The following EEFSEC variants were observed in gnomAD, a reference collection of about 807,000 sequenced individuals.
The protein encoded by EEFSEC is eukaryotic elongation factor, selenocysteine-tRNA specific.
Under a neutral mutation model 42.1 loss-of-function variants are expected in EEFSEC, and 43 were observed. The observed-to-expected ratio is 1.02, with a 90% CI of 0.80 to 1.32. The LOEUF is 1.32. Among genes scored for constraint, EEFSEC ranks in the 40% most tolerant of loss-of-function variants. The probability of loss-of-function intolerance (pLI) is 0.00; values close to 1 mark genes in which losing one functional copy is unlikely to be tolerated. For missense variants in EEFSEC, 745 were observed against 803.6 expected, an observed-to-expected ratio of 0.93 and a Z score of 0.88; for synonymous variants, 354 against 339.1, an observed-to-expected ratio of 1.04 and a Z score of -0.48.
intron 1 of EEFSEC, among the ~76,000 whole-genome samples, chr3:128,246,252 GCA>G (rs2066126194): frequency 7.1e-6 from 1 of 140,690 alleles, no homozygotes; most frequent in African/African-American, 2.8e-5. Flanking sequence ...ACACACACAC[GCA>G]CACAAATGTT....
chr3:128,308,145 CTG>C (rs1318984123), intron 4 of EEFSEC, among the ~76,000 whole-genome samples: 1 of 152,250 alleles, frequency 6.6e-6, no homozygotes, highest in East Asian at 1.9e-4. Context: ...ACCTCAGTCT[CTG>C]TCATTCAGAC....
chr3:128,386,827 A>C (rs993904055), intron 6 of EEFSEC, among the ~76,000 whole-genome samples: 1 of 152,292 alleles, frequency 6.6e-6, no homozygotes, highest in Non-Finnish European at 1.5e-5. Context: ...GAACTCACTC[A>C]TCACTGTGGT....
intron 6 of EEFSEC, among the ~76,000 whole-genome samples, chr3:128,388,924 TG>T (rs2067874209): frequency 6.6e-6 from 1 of 152,194 alleles, no homozygotes; most frequent in Non-Finnish European, 1.5e-5. Flanking sequence ...CACCCACTCT[TG>T]ATTTCTGGGT....
intron 1 of EEFSEC, among the ~76,000 whole-genome samples, chr3:128,222,796 A>AT (rs2065873732): frequency 6.6e-6 from 1 of 152,230 alleles, no homozygotes; most frequent in South Asian, 2.1e-4. Context: ...ATATATGAAC[A>AT]TTTTTTAGCT....
chr3:128,404,219 C>T (rs1273665867), intron 6 of EEFSEC, among the ~76,000 whole-genome samples: 1 of 152,242 alleles, frequency 6.6e-6, no homozygotes, highest in Admixed American at 6.5e-5. Context: ...CCATGCTGCC[C>T]CATGTCCAGG....
At position 128,264,725 on chromosome 3, in the gene EEFSEC, A is replaced by T; in HGVS notation, c.730A>T (p.Thr244Ser). The T allele has an allele frequency of 6.2e-7, 1 of 1,614,106 alleles. No homozygotes were observed. The highest frequency in any genetic ancestry group is 8.5e-7 in the Non-Finnish European group (1 of 1,180,008). ...AGGCCAAGGCACTGTGATGACAGGG[A>T]CCATCCTTTCAGGCTCCATCAGCCT... ...IKGQGTVMTG[T>S]ILSGSISLGD... is the part of the protein sequence containing the mutation. The change falls in exon 4 of 7, where the codon ACC becomes TCC. Residue 244 changes from threonine to serine, a missense_variant. Coordinates refer to ENST00000254730, the MANE Select transcript of EEFSEC (RefSeq NM_021937.5).
chr3:128,397,473 G>A (rs2067994824), intron 6 of EEFSEC, among the ~76,000 whole-genome samples: 1 of 152,224 alleles, frequency 6.6e-6, no homozygotes, highest in African/African-American at 2.4e-5. Context: ...ATTTGGAGGA[G>A]GCTGCTAGAA....
At chr3:128,367,516 C>T (rs116372524) in intron 6 of EEFSEC, among the ~76,000 whole-genome samples, 3,797 of 152,278 alleles carry the variant, frequency 0.025, 152 homozygotes, top group African/African-American at 0.085. Context: ...GTATCACCTC[C>T]GCATCGAACC....
intron 1 of EEFSEC, among the ~76,000 whole-genome samples, chr3:128,171,796 A>T (rs1341141694): frequency 6.6e-6 from 1 of 151,906 alleles, no homozygotes; most frequent in African/African-American, 2.4e-5. Flanking sequence ...TGGCCCTCCA[A>T]ATCTGTGGAT....
intron 1 of EEFSEC, among the ~76,000 whole-genome samples, chr3:128,165,608 G>T (rs1559850558): frequency 6.6e-6 from 1 of 152,170 alleles, no homozygotes; most frequent in Non-Finnish European, 1.5e-5. Flanking sequence ...GTGTTGTGAT[G>T]ATTCCTCTCT....
intron 6 of EEFSEC, among the ~76,000 whole-genome samples, chr3:128,406,718 T>A (rs866767505): frequency 2.0e-5 from 3 of 151,864 alleles, no homozygotes; most frequent in South Asian, 4.2e-4. Context: ...GAGGCTGAGG[T>A]GGGAGGATCA....
At chr3:128,246,249 CA>C (rs2066125990) in intron 1 of EEFSEC, among the ~76,000 whole-genome samples, 1 of 152,006 alleles carries the variant, frequency 6.6e-6, no homozygotes, top group East Asian at 1.9e-4. Context: ...CACACACACA[CA>C]CGCACACAAA....
the EEFSEC span, among the ~76,000 whole-genome samples, chr3:128,416,582 G>T: frequency 6.6e-6 from 1 of 152,206 alleles, no homozygotes; most frequent in Admixed American, 6.5e-5. Flanking sequence ...GGAAGTTGGG[G>T]CTGTGACAGA....
At chr3:128,265,039 T>C (rs995387905) in intron 4 of EEFSEC, among the ~76,000 whole-genome samples, 1 of 152,182 alleles carries the variant, frequency 6.6e-6, no homozygotes, top group East Asian at 1.9e-4. Flanking sequence ...AAGGAGGTGT[T>C]CCCAAGTAGG....
At chr3:128,265,282 A>G (rs1422677902) in intron 4 of EEFSEC, among the ~76,000 whole-genome samples, 1 of 152,166 alleles carries the variant, frequency 6.6e-6, no homozygotes, top group African/African-American at 2.4e-5. Context: ...GAAGAAATCC[A>G]GGTTGGTTTT....
intron 1 of EEFSEC, among the ~76,000 whole-genome samples, chr3:128,197,172 C>A (rs1285236372): frequency 6.6e-6 from 1 of 152,194 alleles, no homozygotes; most frequent in African/African-American, 2.4e-5. Context: ...TGATTTCTTG[C>A]TATTGTGAAT....
chr3:128,365,578 A>AC (rs142623181), intron 6 of EEFSEC, among the ~76,000 whole-genome samples: 2,835 of 151,078 alleles, frequency 0.019, 97 homozygotes, highest in African/African-American at 0.064. Context: ...GTGTGCACCC[A>AC]CCCCTCACCT....
chr3:128,153,669 G>C lies in EEFSEC; in HGVS notation c.162G>C (p.Ser54=), dbSNP rs778113765. ...ERGITLDLGF[S]CFSVPLPARL... ...GCATCACGCTCGATCTGGGCTTCTC[G>C]TGCTTCTCGGTGCCGCTGCCCGCGC... is the stretch of plus-strand genomic sequence containing the variant. The change falls in exon 1 of 7, where the codon TCG becomes TCC. Residue 54 remains serine, a synonymous_variant. Transcript: ENST00000254730. 2 of 1,596,358 alleles carry C rather than the reference G, an allele frequency of 1.3e-6. No individual in the cohort carries two copies. The highest frequency in any genetic ancestry group is 8.5e-7 in the Non-Finnish European group (1 of 1,177,838).
chr3:128,211,946 G>T (rs1228570157), intron 1 of EEFSEC, among the ~76,000 whole-genome samples: 1 of 121,488 alleles, frequency 8.2e-6, no homozygotes, highest in African/African-American at 3.2e-5. Flanking sequence ...TGTAAGCTCC[G>T]CCTCCCGGGT....
Sources: gnomAD v4.1 joint callset for allele counts (sites outside exome capture counted in the v4.1 genomes callset) on GRCh38, gnomAD v4.1.1 for gene constraint, MANE v1.5 for transcripts, NCBI Gene and HGNC (gene_info 2026-07-23, HGNC 2026-07-21) for gene names.